The following EPN1 variants were observed in gnomAD, a reference collection of about 807,000 sequenced individuals.
EPN1 encodes epsin 1.
EPN1 carries 25 observed loss-of-function variants against 56.9 expected under a neutral mutation model. That is an observed-to-expected ratio of 0.44 (90% confidence interval 0.32 to 0.61). EPN1 has a LOEUF of 0.61. Among genes scored for constraint, EPN1 ranks in the 20% least tolerant of loss-of-function variants. The probability of loss-of-function intolerance (pLI) is 0.05; values close to 1 mark genes in which losing one functional copy is unlikely to be tolerated. For synonymous variants in EPN1, 411 were observed against 361.8 expected (o/e 1.14, Z -1.54); for missense variants, 785 against 823.7 (o/e 0.95, Z 0.58).
intron 2 of EPN1, among the ~76,000 whole-genome samples, chr19:55,679,920 G>A (rs1267842389): frequency 6.6e-6 from 1 of 152,218 alleles, no homozygotes; most frequent in Non-Finnish European, 1.5e-5. Flanking sequence ...GCAACGAGGA[G>A]GGATGGGGCT....
In EPN1 at chr19:55,699,153, A is replaced by G. The variant is rs533691210; in HGVS notation, c.*3797A>G. 9 of 152,114 alleles carry G rather than the reference A, an allele frequency of 5.9e-5. No individual in the cohort carries two copies. Among genetic ancestry groups the G allele is most frequent in the Non-Finnish European group, 1.0e-4 (7 of 68,032 alleles). The allele number at this position is 152,114 out of a possible 1,614,324, so 9.4% of individuals were successfully genotyped here. ...TACATGTGCCATGTTGGTGTGCTGCACGCATTAACTCGTCATTTACATTAG... is the reference window on the plus strand; with the variant it reads ...TACATGTGCCATGTTGGTGTGCTGCGCGCATTAACTCGTCATTTACATTAG... On this transcript the variant is annotated 3_prime_UTR_variant, in exon 11 of 11. Transcript: ENST00000270460.
In EPN1 at chr19:55,701,956, A is replaced by ATTTTTTTTTTT. The variant is rs1600115210; in HGVS notation, c.*6602_*6603insTTTTTTTTTTT. ...CAGAGTCTCTAGCAGCCCCCACCCC[A>ATTTTTTTTTTT]TTCTTTTTTTTTTTTTTTTTTTTGA... On this transcript the variant is annotated 3_prime_UTR_variant, in exon 11 of 11. Transcript: ENST00000270460. The ATTTTTTTTTTT allele has an allele frequency of 1.0e-5, 1 of 95,574 alleles. No homozygotes were observed. The highest frequency in any genetic ancestry group is 5.6e-5 in the African/African-American group (1 of 17,774). 5.9% of individuals were successfully genotyped at this position (95,574 alleles called of 1,614,324 possible).
At chr19:55,680,316 T>C (rs1251974979) in intron 2 of EPN1, among the ~76,000 whole-genome samples, 2 of 152,050 alleles carry the variant, frequency 1.3e-5, no homozygotes, top group Non-Finnish European at 2.9e-5. Flanking sequence ...TCCCCTATGG[T>C]TTTTGCAGCC....
At position 55,707,799 on chromosome 19, in the gene EPN1, ATG is replaced by A. The variant is rs1292709933; in HGVS notation, c.*12444_*12445del. ...TCTTTCCACTGGAATCCCCCACACA[ATG>A]GTGTCTTTTGTCCTATGGAAACCCT... On this transcript the variant is annotated 3_prime_UTR_variant, in exon 11 of 11. Transcript: ENST00000270460. 1.3e-5 allele frequency: 2 copies of A among 154,412 alleles called. No homozygotes were observed. The highest frequency in any genetic ancestry group is 4.8e-5 in the African/African-American group (2 of 41,540). The allele number at this position is 154,412 out of a possible 1,614,324, so 9.6% of individuals were successfully genotyped here. A position where few individuals can be genotyped will look rare whatever the true frequency, so the allele number is the denominator to read the frequency against.
intron 3 of EPN1, among the ~76,000 whole-genome samples, chr19:55,687,591 C>T: frequency 6.6e-6 from 1 of 152,028 alleles, no homozygotes; most frequent in Middle Eastern, 3.2e-3. Context: ...GAGGAAGTCA[C>T]AGGGGCAGGG....
chr19:55,694,658 A>G lies in EPN1; in HGVS notation c.1265-68A>G, dbSNP rs1016492676. 8 of 1,501,278 alleles carry G rather than the reference A, an allele frequency of 5.3e-6. No homozygotes were observed. Among genetic ancestry groups the G allele is most frequent in the Middle Eastern group, 2.0e-4 (1 of 4,900 alleles). The allele number at this position is 1,501,278 out of a possible 1,614,324, so 93.0% of individuals were successfully genotyped here. Reference sequence around the variant, plus strand: ...TTTGAAGCGCCCCCTATGATGGCCTATACTGCTCCCGGGTTGGAGCCTCAC... The same window carrying G: ...TTTGAAGCGCCCCCTATGATGGCCTGTACTGCTCCCGGGTTGGAGCCTCAC... On this transcript the variant is annotated intron_variant, in intron 9 of 10. Coordinates refer to ENST00000270460, the MANE Select transcript of EPN1 (RefSeq NM_001130072.2). This position sits in a 1 kb window ranked among gnomAD's most constrained non-coding sequence, Gnocchi z 4.2.
At position 55,692,948 on chromosome 19, in the gene EPN1, C is replaced by T. The variant is rs367579730; in HGVS notation, c.1178-3C>T. 3.1e-5 allele frequency: 50 copies of T among 1,613,254 alleles called. No homozygotes were observed. In the African/African-American group the frequency reaches 6.5e-4, roughly 21 times the overall value. ...GGCTGAGCAGAACATCCTGACCCCACAGCAGCCGGGGGATTCGACACGGAG... is the reference window on the plus strand; with the variant it reads ...GGCTGAGCAGAACATCCTGACCCCATAGCAGCCGGGGGATTCGACACGGAG... On this transcript the variant is annotated splice_region_variant and splice_polypyrimidine_tract_variant and intron_variant, in intron 8 of 10. Transcript: ENST00000270460.
In EPN1 at chr19:55,708,696, A is replaced by G; in HGVS notation, c.*13340A>G. On this transcript the variant is annotated 3_prime_UTR_variant, in exon 11 of 11. Coordinates refer to ENST00000270460, the MANE Select transcript of EPN1 (RefSeq NM_001130072.2). Reference sequence around the variant, plus strand: ...TCTAAATATCACAAGGCAGGATGGGATTTCTAAAGACAAGGGGATATAGGA... The same window carrying G: ...TCTAAATATCACAAGGCAGGATGGGGTTTCTAAAGACAAGGGGATATAGGA... The G allele has an allele frequency of 2.6e-6, 1 of 389,658 alleles. No homozygotes were observed. The highest frequency in any genetic ancestry group is 3.8e-5 in the East Asian group (1 of 26,620). The allele number at this position is 389,658 out of a possible 1,614,324, so 24.1% of individuals were successfully genotyped here.
At chr19:55,679,212 G>A (rs1423577579) in intron 2 of EPN1, among the ~76,000 whole-genome samples, 1 of 152,216 alleles carries the variant, frequency 6.6e-6, no homozygotes, top group East Asian at 1.9e-4. Flanking sequence ...GCAGGTGTGT[G>A]CTCCCCGTGG....
In EPN1 at chr19:55,708,312, G is replaced by A. The variant is rs1200268852; in HGVS notation, c.*12956G>A. The stretch of plus-strand genomic sequence containing the variant: ...AATTTACCGTAGGGAACTAGGGAAT[G>A]TTTAATTATGACAATGAAGTGTTTA... On this transcript the variant is annotated 3_prime_UTR_variant, in exon 11 of 11. Transcript: ENST00000270460. 1 of 152,238 alleles carries A rather than the reference G, an allele frequency of 6.6e-6. No individual in the cohort carries two copies. The highest frequency in any genetic ancestry group is 2.4e-5 in the African/African-American group (1 of 41,466). 9.4% of individuals were successfully genotyped at this position (152,238 alleles called of 1,614,324 possible). A position where few individuals can be genotyped will look rare whatever the true frequency, so the allele number is the denominator to read the frequency against.
In EPN1 at chr19:55,704,038, G is replaced by A. The variant is rs1457864691; in HGVS notation, c.*8682G>A. ...AGTCCCTCGGAAACCCAGTTCCTCC[G>A]TTTCCAGGCTTCTCGCCCACACGGA... On this transcript the variant is annotated 3_prime_UTR_variant, in exon 11 of 11. Transcript: ENST00000270460. The A allele has an allele frequency of 1.3e-5, 2 of 152,212 alleles. No individual in the cohort carries two copies. Among genetic ancestry groups the A allele is most frequent in the Non-Finnish European group, 2.9e-5 (2 of 68,038 alleles). 9.4% of individuals were successfully genotyped at this position (152,212 alleles called of 1,614,324 possible).
Position 55,702,235 on chromosome 19 carries a change from G to A in EPN1, c.*6879G>A, listed in dbSNP as rs58238666. On this transcript the variant is annotated 3_prime_UTR_variant, in exon 11 of 11. Coordinates refer to ENST00000270460, the MANE Select transcript of EPN1 (RefSeq NM_001130072.2). The stretch of plus-strand genomic sequence containing the variant: ...CTCGGCCTCCCAAAGTAGTGGGATT[G>A]CAGGCGTGAGCCACCGCGCCGGGCC... 141 of 150,720 alleles carry A rather than the reference G, an allele frequency of 9.4e-4. 1 individual carries two copies. In the East Asian group the frequency reaches 0.026, roughly 27 times the overall value. The allele number at this position is 150,720 out of a possible 1,614,324, so 9.3% of individuals were successfully genotyped here. A position where few individuals can be genotyped will look rare whatever the true frequency, so the allele number is the denominator to read the frequency against.
In EPN1 at chr19:55,699,164, CG is replaced by C. The variant is rs1568585277; in HGVS notation, c.*3809del. ...TGTTGGTGTGCTGCACGCATTAACT[CG>C]TCATTTACATTAGGTATATCTCCTA... On this transcript the variant is annotated 3_prime_UTR_variant, in exon 11 of 11. Transcript: ENST00000270460. 6.6e-6 allele frequency: 1 copy of C among 152,102 alleles called. No individual in the cohort carries two copies. The highest frequency in any genetic ancestry group is 2.4e-5 in the African/African-American group (1 of 41,390). 9.4% of individuals were successfully genotyped at this position (152,102 alleles called of 1,614,324 possible). A position where few individuals can be genotyped will look rare whatever the true frequency, so the allele number is the denominator to read the frequency against.
chr19:55,675,883 G>A (rs1453502976), intron 1 of EPN1, among the ~76,000 whole-genome samples: 1 of 152,092 alleles, frequency 6.6e-6, no homozygotes, highest in Non-Finnish European at 1.5e-5. Context: ...TCGCATCTGA[G>A]TTTTGCCCCC....
chr19:55,678,462 G>T, intron 1 of EPN1, 65 bp from the exon 2 acceptor site: 51 of 1,447,098 alleles, frequency 3.5e-5, no homozygotes, highest in Non-Finnish European at 4.3e-5. Flanking sequence ...ACTCATCTTT[G>T]ACCCTGAGGG....
chr19:55,679,369 A>G (rs1245313012), intron 2 of EPN1, among the ~76,000 whole-genome samples: 1 of 152,236 alleles, frequency 6.6e-6, no homozygotes, highest in East Asian at 1.9e-4. Flanking sequence ...GTGTTACGGC[A>G]AAGTGGCCAA....
In EPN1 at chr19:55,694,591, C is replaced by T. The variant is rs1986794139; in HGVS notation, c.1265-135C>T. The T allele has an allele frequency of 1.8e-6, 2 of 1,106,346 alleles. No homozygotes were observed. The highest frequency in any genetic ancestry group is 3.2e-5 in the Admixed American group (1 of 31,612). 68.5% of individuals were successfully genotyped at this position (1,106,346 alleles called of 1,614,324 possible). On this transcript the variant is annotated intron_variant, in intron 9 of 10. Transcript: ENST00000270460. This position sits in a 1 kb window ranked among gnomAD's most constrained non-coding sequence, Gnocchi z 4.2. ...CTGGGCAAGCGATGCTTCCGCTCTG[C>T]ACCTCAGTTCCTCCTTCCCGAGGCC...
chr19:55,680,115 G>A (rs1157938534), intron 2 of EPN1, among the ~76,000 whole-genome samples: 1 of 152,206 alleles, frequency 6.6e-6, no homozygotes, highest in African/African-American at 2.4e-5. Context: ...TGGACGGCAG[G>A]ACAGGGCAGT....
chr19:55,694,858 C>A lies in EPN1; in HGVS notation c.1397C>A (p.Pro466His), dbSNP rs368218675. 60 of 1,608,082 alleles carry A rather than the reference C, an allele frequency of 3.7e-5. No individual in the cohort carries two copies. The African/African-American group carries it at 7.0e-4, about 19-fold the overall frequency. The change falls in exon 10 of 11, where the codon CCC becomes CAC. Residue 466 changes from proline (P) to histidine (H), a missense_variant. Transcript: ENST00000270460. This position sits in a 1 kb window ranked among gnomAD's most constrained non-coding sequence, Gnocchi z 4.2. ...PPAATPTPTP[P>H]TRKTPESFLG... ...GCAGCCACACCAACTCCCACGCCCC[C>A]CACCCGGAAGACGCCGGAGTCATTC...
Sources: gnomAD v4.1 joint callset for allele counts (sites outside exome capture counted in the v4.1 genomes callset) on GRCh38, gnomAD v4.1.1 for gene constraint, Gnocchi (gnomAD v3.1) non-coding constraint, MANE v1.5 for transcripts, NCBI Gene and HGNC (gene_info 2026-07-23, HGNC 2026-07-21) for gene names.